Variants in SDK2 observed in about 807,000 individuals in gnomAD.
The protein encoded by SDK2 is protein sidekick-2.
Under a neutral mutation model 253.9 loss-of-function variants are expected in SDK2, and 105 were observed. That is an observed-to-expected ratio of 0.41 (90% CI 0.35 to 0.49). The LOEUF (loss-of-function observed/expected upper bound fraction) is 0.49, where lower values mean the gene tolerates loss of function less well. Ranked by LOEUF, SDK2 falls within the 20% of genes least tolerant of loss-of-function variation. The pLI is 0.06. For synonymous variants in SDK2, 1,249 were observed against 1,234.9 expected, an observed-to-expected ratio of 1.01 and a Z score of -0.24; for missense variants, 2,608 against 3,003.0, an observed-to-expected ratio of 0.87 and a Z score of 3.07.
At chr17:73,370,001 T>G (rs1406758338) in intron 36 of SDK2, among the ~76,000 whole-genome samples, 1 of 152,174 alleles carries the variant, frequency 6.6e-6, no homozygotes, top group Non-Finnish European at 1.5e-5. Flanking sequence ...GTTCCAGGAC[T>G]GAGGCCATCC....
In SDK2 at chr17:73,390,486, GGGAA is replaced by G. The variant is rs765759851; in HGVS notation, c.3998-9_3998-6del. On this transcript the variant is annotated splice_polypyrimidine_tract_variant and splice_region_variant and intron_variant, in intron 28 of 44. Coordinates refer to ENST00000392650, the MANE Select transcript of SDK2 (RefSeq NM_001144952.2). ...GCCGGTGTGTGATCTGGTAAGCTGT[GGGAA>G]GGAAGCACATGGCTATTATGGCAAG... 6.1e-5 allele frequency: 98 copies of G among 1,606,922 alleles called. No individual in the cohort carries two copies. Among genetic ancestry groups the G allele is most frequent in the Non-Finnish European group, 7.1e-5 (84 of 1,175,588 alleles).
intron 1 of SDK2, among the ~76,000 whole-genome samples, chr17:73,602,247 G>C (rs1014066664): frequency 6.6e-6 from 1 of 152,170 alleles, no homozygotes; most frequent in Non-Finnish European, 1.5e-5. Flanking sequence ...TGAATCCTCT[G>C]TGAGGCCCAG....
chr17:73,393,653 A>G lies in SDK2; in HGVS notation c.3805T>C (p.Tyr1269His), dbSNP rs1481679150. ...AGCACCTGGACTTCATAGAGCACGTATTTGCCCAAGCCGGTGAGCTGGGCA... is the reference window on the plus strand; with the variant it reads ...AGCACCTGGACTTCATAGAGCACGTGTTTGCCCAAGCCGGTGAGCTGGGCA... ...RSAQLTGLGK[Y>H]VLYEVQVLAF... The change falls in exon 27 of 45, where the codon TAC becomes CAC. Residue 1269 changes from tyrosine (Y) to histidine (H), a missense_variant. Tyr to His is a moderately conservative substitution (Grantham distance 83). Around this residue, in one of 2 missense-constraint regions of SDK2, gnomAD observed 1,505 missense variants for 1,859.1 expected, o/e 0.81. Transcript: ENST00000392650. 10 of 1,600,988 alleles carry G rather than the reference A, an allele frequency of 6.2e-6. No individual in the cohort carries two copies. Among genetic ancestry groups the G allele is most frequent in the African/African-American group, 2.7e-5 (2 of 74,736 alleles).
At chr17:73,458,810 C>G (rs1319305503) in intron 3 of SDK2, among the ~76,000 whole-genome samples, 1 of 152,046 alleles carries the variant, frequency 6.6e-6, no homozygotes, top group African/African-American at 2.4e-5. Context: ...TCGAGACAAC[C>G]CTGGCCAACA....
chr17:73,617,019 A>ATGAATGTTTAT (rs1206188372), intron 1 of SDK2, among the ~76,000 whole-genome samples: 1 of 152,118 alleles, frequency 6.6e-6, no homozygotes, highest in Non-Finnish European at 1.5e-5. Context: ...TGTTTATTGA[A>ATGAATGTTTAT]TGAATGAAGG....
chr17:73,596,011 G>C (rs2045753091), intron 1 of SDK2, among the ~76,000 whole-genome samples: 1 of 151,540 alleles, frequency 6.6e-6, no homozygotes, highest in African/African-American at 2.4e-5. Flanking sequence ...GGGATACAGT[G>C]AGGCCTCGGC....
chr17:73,497,903 C>G (rs1322184669), intron 2 of SDK2, among the ~76,000 whole-genome samples: 1 of 152,194 alleles, frequency 6.6e-6, no homozygotes, highest in African/African-American at 2.4e-5. Context: ...CCACGTGGAC[C>G]TTCTTTCAGA....
chr17:73,576,196 A>AAGGGAAAGGCATCCCAAAGAAGGGG (rs2045457003), intron 1 of SDK2, among the ~76,000 whole-genome samples: 2 of 152,320 alleles, frequency 1.3e-5, no homozygotes, highest in Admixed American at 1.3e-4. Context: ...CAAGGAAAGG[A>AAGGGAAAGGCATCCCAAAGAAGGGG]AGGGAAAGGC....
chr17:73,593,432 G>T (rs893095975), intron 1 of SDK2, among the ~76,000 whole-genome samples: 2 of 152,168 alleles, frequency 1.3e-5, no homozygotes, highest in African/African-American at 4.8e-5. Context: ...ACAGAGATGG[G>T]GTGTGGGGGG....
intron 1 of SDK2, among the ~76,000 whole-genome samples, chr17:73,631,155 C>T (rs1475580440): frequency 6.6e-6 from 1 of 152,170 alleles, no homozygotes; most frequent in African/African-American, 2.4e-5. Flanking sequence ...GTCCCGACGA[C>T]TACCATTTTT....
chr17:73,466,713 A>ACC (rs201159167), intron 3 of SDK2, among the ~76,000 whole-genome samples: 1,270 of 81,640 alleles, frequency 0.016, 175 homozygotes, highest in African/African-American at 0.026. Context: ...GCTCTGGGGA[A>ACC]CGCCCCCCCC....
chr17:73,622,005 G>A (rs2046138873), intron 1 of SDK2, among the ~76,000 whole-genome samples: 1 of 152,184 alleles, frequency 6.6e-6, no homozygotes, highest in Admixed American at 6.5e-5. Flanking sequence ...AGAAAGTGGG[G>A]ACAAGAGGAT....
chr17:73,597,880 C>T (rs1249042977), intron 1 of SDK2, among the ~76,000 whole-genome samples: 5 of 152,096 alleles, frequency 3.3e-5, no homozygotes, highest in African/African-American at 9.7e-5. Context: ...CTCCTGACCT[C>T]GTGATCCGCC....
At chr17:73,584,540 G>A (rs2045579060) in intron 1 of SDK2, among the ~76,000 whole-genome samples, 1 of 152,216 alleles carries the variant, frequency 6.6e-6, no homozygotes, top group Non-Finnish European at 1.5e-5. Context: ...ACTGTAGGAG[G>A]CTTTGGAGAG....
intron 1 of SDK2, among the ~76,000 whole-genome samples, chr17:73,586,932 G>A (rs2045610493): frequency 6.6e-6 from 1 of 152,188 alleles, no homozygotes; most frequent in South Asian, 2.1e-4. Flanking sequence ...CTCCTCTGCT[G>A]CTTTCTAGCT....
intron 2 of SDK2, among the ~76,000 whole-genome samples, chr17:73,490,687 G>A (rs909507442): frequency 5.8e-4 from 88 of 150,906 alleles, no homozygotes; most frequent in African/African-American, 2.1e-3. Flanking sequence ...GCTAATTTTT[G>A]TATTATTATT....
intron 1 of SDK2, among the ~76,000 whole-genome samples, chr17:73,566,199 CT>C (rs1047217228): frequency 1.3e-5 from 2 of 152,162 alleles, no homozygotes; most frequent in Non-Finnish European, 2.9e-5. Flanking sequence ...CACATCTGCT[CT>C]CCCCTTCAAC....
chr17:73,569,919 G>C (rs1599687517), intron 1 of SDK2, among the ~76,000 whole-genome samples: 1 of 152,242 alleles, frequency 6.6e-6, no homozygotes, highest in Admixed American at 6.5e-5. Flanking sequence ...AGAAGATATG[G>C]GGGTGATAAA....
rs1306981292 is a variant in SDK2, at chr17:73,455,861, C to T, written c.479+45G>A. On this transcript the variant is annotated intron_variant, in intron 4 of 44. Coordinates refer to ENST00000392650, the MANE Select transcript of SDK2 (RefSeq NM_001144952.2). This position sits in a 1 kb window ranked among gnomAD's most constrained non-coding sequence, Gnocchi z 5.0. ...TTTATCTGGCCCCAAACCTCCTCCC[C>T]CAGACACCCCTCCCCTCCCCGTCCC... 3 of 1,507,798 alleles carry T rather than the reference C, an allele frequency of 2.0e-6. No homozygotes were observed. Among genetic ancestry groups the T allele is most frequent in the South Asian group, 1.2e-5 (1 of 80,854 alleles). 93.4% of individuals were successfully genotyped at this position (1,507,798 alleles called of 1,614,324 possible).
Sources: allele counts gnomAD v4.1 joint callset (sites outside exome capture counted in the v4.1 genomes callset), GRCh38; gene constraint gnomAD v4.1.1; regional missense constraint gnomAD v4.1.1; non-coding constraint Gnocchi (gnomAD v3.1); transcripts MANE v1.5; gene names NCBI Gene and HGNC (gene_info 2026-07-23, HGNC 2026-07-21).